Variants in TMEM38B observed in about 807,000 individuals in gnomAD.
The protein encoded by TMEM38B is transmembrane protein 38B, also known as trimeric intracellular cation channel type B.
TMEM38B carries 24 observed loss-of-function variants against 28.7 expected under a neutral mutation model. The observed-to-expected ratio is 0.84, with a 90% confidence interval of 0.61 to 1.18. The LOEUF is 1.18. Among genes scored for constraint, TMEM38B ranks in the 50% most tolerant of loss-of-function variants. TMEM38B has a pLI of 0.00. For missense variants in TMEM38B, 380 were observed against 350.9 expected (o/e 1.08, Z -0.66); for synonymous variants, 131 against 127.7 (o/e 1.03, Z -0.17).
intron 1 of TMEM38B, among the ~76,000 whole-genome samples, chr9:105,704,064 A>C (rs531781501): frequency 1.7e-3 from 215 of 128,880 alleles, no homozygotes; most frequent in Admixed American, 2.7e-3. Context: ...GGGGAATATC[A>C]CACTCTGGGG....
At chr9:105,770,758 C>T (rs892335876) in intron 5 of TMEM38B, among the ~76,000 whole-genome samples, 2 of 151,970 alleles carry the variant, frequency 1.3e-5, no homozygotes, top group Non-Finnish European at 2.9e-5. Flanking sequence ...GGAATAGACA[C>T]GAGTTACACT....
chr9:105,752,602 G>A (rs117358277), intron 5 of TMEM38B, among the ~76,000 whole-genome samples: 3,299 of 152,168 alleles, frequency 0.022, 54 homozygotes, highest in Middle Eastern at 0.048. Context: ...TGGCCTGACT[G>A]TTAAAAACAA....
chr9:105,749,207 A>G, intron 5 of TMEM38B: 1 of 864,196 alleles, frequency 1.2e-6, no homozygotes, highest in South Asian at 1.6e-5. Flanking sequence ...CTTTATTGAG[A>G]TATATTTTCC....
chr9:105,738,185 C>T lies in TMEM38B; in HGVS notation c.543-9888C>T, dbSNP rs141368515. Among the ~76,000 whole-genome samples the T allele has an allele frequency of 2.7e-3, 406 of 152,012 alleles. 9 individuals are homozygous for T. Among genetic ancestry groups the T allele is most frequent in the Admixed American group, 0.02 (313 of 15,274 alleles). On this transcript the variant is annotated intron_variant, in intron 4 of 5. Transcript: ENST00000374692. ...TGAACACAGCCGTATGGACTCTGAA[C>T]AATTCCCTCAGCTGGGCTCAGTACC...
At chr9:105,747,185 G>A (rs1437741973) in intron 4 of TMEM38B, among the ~76,000 whole-genome samples, 1 of 152,188 alleles carries the variant, frequency 6.6e-6, no homozygotes, top group Non-Finnish European at 1.5e-5. Context: ...GGTAGAATTT[G>A]GCTGTGAATC....
At chr9:105,752,870 A>T (rs1017631191) in intron 5 of TMEM38B, among the ~76,000 whole-genome samples, 3 of 152,164 alleles carry the variant, frequency 2.0e-5, no homozygotes, top group African/African-American at 7.2e-5. Context: ...AATGAGCTTC[A>T]CTGAGCTAAA....
Position 105,761,964 on chromosome 9 carries a change from A to G in TMEM38B, c.661-11901A>G, listed in dbSNP as rs112356028. Among the ~76,000 whole-genome samples the G allele has an allele frequency of 2.5e-3, 384 of 152,250 alleles. 3 individuals carry two copies. Among genetic ancestry groups the G allele is most frequent in the African/African-American group, 8.8e-3 (365 of 41,570 alleles). ...TATAAATGCCTCTCATCTTAAAACA[A>G]GGTTCTTCAGGTTTCTGCTTGATCG... On this transcript the variant is annotated intron_variant, in intron 5 of 5. Transcript: ENST00000374692.
At chr9:105,751,580 C>T (rs189704247) in intron 5 of TMEM38B, among the ~76,000 whole-genome samples, 4 of 152,204 alleles carry the variant, frequency 2.6e-5, no homozygotes, top group Non-Finnish European at 5.9e-5. Context: ...GGGAACCAAG[C>T]AGCATTGTGC....
rs552479485 is a variant in TMEM38B, at chr9:105,766,363, G to A, written c.661-7502G>A. Among the ~76,000 whole-genome samples, 12 of 152,286 alleles carry A rather than the reference G, an allele frequency of 7.9e-5. No homozygotes were observed. The South Asian group carries it at 2.3e-3, about 29-fold the overall frequency. On this transcript the variant is annotated intron_variant, in intron 5 of 5. Transcript: ENST00000374692. ...TTCTTTTGCATTTCTGTGATGGCTAGAGATTTGAGCGTCTTTTCGTGTGTT... is the reference window on the plus strand; with the variant it reads ...TTCTTTTGCATTTCTGTGATGGCTAAAGATTTGAGCGTCTTTTCGTGTGTT...
In TMEM38B at chr9:105,760,582, C is replaced by T; in HGVS notation, c.660+12392C>T. 9.3e-6 allele frequency: 7 copies of T among 751,034 alleles called. No individual in the cohort carries two copies. The South Asian group carries it at 1.0e-4, about 11-fold the overall frequency. The allele number at this position is 751,034 out of a possible 1,614,324, so 46.5% of individuals were successfully genotyped here. A position where few individuals can be genotyped will look rare whatever the true frequency, so the allele number is the denominator to read the frequency against. ...AAATGTTATTAAAAACAAGAGTTTA[C>T]CTCTAAAGGAGAAAAGAAAAAAACT... is the stretch of plus-strand genomic sequence containing the variant. On this transcript the variant is annotated intron_variant, in intron 5 of 5. Coordinates refer to ENST00000374692, the MANE Select transcript of TMEM38B (RefSeq NM_018112.3).
chr9:105,719,315 A>G (rs941984791), intron 2 of TMEM38B, among the ~76,000 whole-genome samples: 5 of 152,024 alleles, frequency 3.3e-5, no homozygotes, highest in African/African-American at 1.2e-4. Context: ...TTCCTCTCTC[A>G]TTTTGTGATA....
At chr9:105,722,655 G>A (rs1011338426) in intron 4 of TMEM38B, 34 bp downstream of exon 4, 1 of 1,548,210 alleles carries the variant, frequency 6.5e-7, no homozygotes, top group Non-Finnish European at 8.9e-7. Flanking sequence ...AGACCTAGAT[G>A]TTTATCCTTA....
chr9:105,722,779 T>C (rs541135353), intron 4 of TMEM38B, among the ~76,000 whole-genome samples, 158 bp downstream of exon 4: 1 of 152,278 alleles, frequency 6.6e-6, no homozygotes, highest in East Asian at 1.9e-4. Flanking sequence ...ATTTTGTTCT[T>C]TTAAAAAGTC....
intron 4 of TMEM38B, among the ~76,000 whole-genome samples, chr9:105,747,517 C>G (rs1826292192): frequency 6.6e-6 from 1 of 151,954 alleles, no homozygotes; most frequent in Non-Finnish European, 1.5e-5. Flanking sequence ...CTGATCTTTT[C>G]AAAAAAACAG....
intron 3 of TMEM38B, among the ~76,000 whole-genome samples, chr9:105,722,331 A>G (rs1054741903): frequency 6.6e-6 from 1 of 152,214 alleles, no homozygotes; most frequent in Non-Finnish European, 1.5e-5. Context: ...CCCAGTTTTA[A>G]CAGTTGACAT....
intron 5 of TMEM38B, among the ~76,000 whole-genome samples, chr9:105,767,523 T>G (rs1274538447): frequency 6.6e-6 from 1 of 152,212 alleles, no homozygotes; most frequent in Admixed American, 6.5e-5. Context: ...ATAGATTAAT[T>G]TGGGAAGAAA....
intron 5 of TMEM38B, chr9:105,760,527 C>T: frequency 1.3e-6 from 1 of 744,106 alleles, no homozygotes. Context: ...AAGTTTCTAC[C>T]TCTCAAGCTG....
rs186117502 is a variant in TMEM38B at position 105,708,050 on chromosome 9, G to A, written c.269+2297G>A. ...TCTGTTCCTATAATACTAACCTCCT[G>A]GATGATTGCAGGAGCTTCCTAAGTG... On this transcript the variant is annotated intron_variant, in intron 2 of 5. Transcript: ENST00000374692. Among the ~76,000 whole-genome samples, 318 of 152,174 alleles carry A rather than the reference G, an allele frequency of 2.1e-3. 6 individuals carry two copies. The highest frequency in any genetic ancestry group is 2.8e-4 in the Non-Finnish European group (19 of 67,998).
Position 105,748,091 on chromosome 9 carries a change from G to C in TMEM38B, c.561G>C (p.Leu187=). The C allele has an allele frequency of 6.2e-7, 1 of 1,613,222 alleles. No individual in the cohort carries two copies. Among genetic ancestry groups the C allele is most frequent in the Admixed American group, 1.7e-5 (1 of 59,928 alleles). ...TTTTCAGCCCTGCCAAGGTAACCCT[G>C]CTGGGGTCAGTTATCTTCACATTCC... is the stretch of plus-strand genomic sequence containing the variant. The part of the protein sequence containing the change: ...LKMSYPAKVT[L]LGSVIFTFQH... Residue 187 remains leucine, a synonymous_variant, in exon 5 of 6, where the codon CTG becomes CTC. Coordinates refer to ENST00000374692, the MANE Select transcript of TMEM38B (RefSeq NM_018112.3).
Sources: allele counts gnomAD v4.1 joint callset (sites outside exome capture counted in the v4.1 genomes callset), GRCh38; gene constraint gnomAD v4.1.1; transcripts MANE v1.5; gene names NCBI Gene and HGNC (gene_info 2026-07-23, HGNC 2026-07-21).